Variants in EPHA4 observed in about 807,000 individuals in gnomAD.
The protein encoded by EPHA4 is EPH receptor A4, also known as ephrin type-A receptor 4.
In EPHA4, 19 loss-of-function variants were observed where a neutral mutation model predicts 108.3. That is an observed-to-expected ratio of 0.18 (90% confidence interval 0.12 to 0.26). EPHA4 has a LOEUF of 0.26. Among genes scored for constraint, EPHA4 ranks in the 10% least tolerant of loss-of-function variants. EPHA4 has a pLI of 1.00. For missense variants in EPHA4, 917 were observed against 1,254.0 expected (o/e 0.73, Z 4.06); for synonymous variants, 449 against 455.5 (o/e 0.99, Z 0.18).
At chr2:221,562,564 C>T (rs1193118754) in intron 3 of EPHA4, among the ~76,000 whole-genome samples, 1 of 152,170 alleles carries the variant, frequency 6.6e-6, no homozygotes, top group East Asian at 1.9e-4. Flanking sequence ...AACCATGTGG[C>T]AATGCCATCT....
chr2:221,436,527 T>C lies in EPHA4; in HGVS notation c.2218A>G (p.Met740Val), dbSNP rs775243880. 6.2e-7 allele frequency: 1 copy of C among 1,614,180 alleles called. No homozygotes were observed. The highest frequency in any genetic ancestry group is 1.7e-5 in the Admixed American group (1 of 60,016). ...GCCAGATCACGATGCACATAGCTCA[T>C]ATCAGATAAATACTTCATCCCAGAC... ...IGSGMKYLSD[M>V]SYVHRDLAAR... Residue 740 changes from methionine (M) to valine (V), a missense_variant, in exon 13 of 18, where the codon ATG (methionine) becomes GTG (valine). Physicochemically the swap from Met to Val is conservative, Grantham distance 21 (BLOSUM62 1). Around this residue, in one of 3 missense-constraint regions of EPHA4, gnomAD observed 758 missense variants for 1,076.7 expected, o/e 0.70. Coordinates refer to ENST00000281821, the MANE Select transcript of EPHA4 (RefSeq NM_004438.5).
intron 8 of EPHA4, among the ~76,000 whole-genome samples, chr2:221,448,900 C>G (rs139852693): frequency 6.6e-6 from 1 of 152,254 alleles, no homozygotes; most frequent in East Asian, 1.9e-4. Context: ...CCCGGGAAAG[C>G]GTTTATCTGT....
At chr2:221,518,213 C>T (rs1693046565) in intron 3 of EPHA4, among the ~76,000 whole-genome samples, 1 of 152,158 alleles carries the variant, frequency 6.6e-6, no homozygotes, top group Non-Finnish European at 1.5e-5. Flanking sequence ...CACTCCATGG[C>T]TTCTGTGGTT....
Position 221,425,846 on chromosome 2 carries a change from A to G in EPHA4, c.*182T>C. The G allele has an allele frequency of 1.0e-5, 6 of 600,320 alleles. No individual in the cohort carries two copies. The Admixed American group carries it at 1.5e-4, about 15-fold the overall frequency. 37.2% of individuals were successfully genotyped at this position (600,320 alleles called of 1,614,324 possible). A position where few individuals can be genotyped will look rare whatever the true frequency, so the allele number is the denominator to read the frequency against. ...GGTCTCATTCAAATGACCGGCAGTC[A>G]TTTCTGTAAGCCCCACAGTTTCAGC... On this transcript the variant is annotated 3_prime_UTR_variant, in exon 17 of 18. Transcript: ENST00000281821.
intron 3 of EPHA4, among the ~76,000 whole-genome samples, chr2:221,533,606 G>C (rs1184619823): frequency 3.3e-5 from 5 of 151,758 alleles, no homozygotes; most frequent in Admixed American, 2.6e-4. Flanking sequence ...CGCTGAACGA[G>C]TTCCAGTCTA....
At chr2:221,543,891 T>C (rs942545016) in intron 3 of EPHA4, among the ~76,000 whole-genome samples, 1 of 152,266 alleles carries the variant, frequency 6.6e-6, no homozygotes, top group East Asian at 1.9e-4. Flanking sequence ...TATCATAAAC[T>C]GGGTAACTTA....
At chr2:221,502,652 C>T (rs1692518083) in intron 3 of EPHA4, 1 of 467,008 alleles carries the variant, frequency 2.1e-6, no homozygotes, top group African/African-American at 2.0e-5. Context: ...TCTGTTCCAC[C>T]CACTCGCATA....
At chr2:221,541,599 A>G (rs551687189) in intron 3 of EPHA4, among the ~76,000 whole-genome samples, 1 of 152,330 alleles carries the variant, frequency 6.6e-6, no homozygotes, top group South Asian at 2.1e-4. Context: ...CTCCACAGGC[A>G]TACAGATGAC....
At chr2:221,446,800 G>T (rs759524443) in intron 8 of EPHA4, among the ~76,000 whole-genome samples, 1 of 152,094 alleles carries the variant, frequency 6.6e-6, no homozygotes, top group Non-Finnish European at 1.5e-5. Flanking sequence ...GTAAGTATTT[G>T]CTTTGTACTG....
chr2:221,442,068 G>A (rs187713532), intron 11 of EPHA4, among the ~76,000 whole-genome samples: 4 of 152,246 alleles, frequency 2.6e-5, no homozygotes, highest in Non-Finnish European at 4.4e-5. Flanking sequence ...GCTTTCCAGG[G>A]GACACAGCCC....
In EPHA4 at chr2:221,436,891, C is replaced by T. The variant is rs1214519567; in HGVS notation, c.2136+170G>A. Among the ~76,000 whole-genome samples, 6 of 152,176 alleles carry T rather than the reference C, an allele frequency of 3.9e-5. No individual in the cohort carries two copies. The East Asian group carries it at 9.6e-4, about 24-fold the overall frequency. ...TAAATCAAAAACTACCCTCGTTGAA[C>T]ATGGATTATTTAATAGCCTTAAAAA... On this transcript the variant is annotated intron_variant, in intron 12 of 17. Coordinates refer to ENST00000281821, the MANE Select transcript of EPHA4 (RefSeq NM_004438.5).
chr2:221,535,971 C>G (rs1693658230), intron 3 of EPHA4, among the ~76,000 whole-genome samples: 1 of 152,232 alleles, frequency 6.6e-6, no homozygotes. Context: ...CCAGTCTCTT[C>G]AACCCCAGGG....
At chr2:221,498,900 C>T (rs1263062815) in intron 4 of EPHA4, among the ~76,000 whole-genome samples, 3 of 150,436 alleles carry the variant, frequency 2.0e-5, no homozygotes, top group Non-Finnish European at 4.4e-5. Context: ...AAGCAATTCT[C>T]TTGCTTCAGC....
At chr2:221,439,330 CAAA>C (rs56154778) in intron 11 of EPHA4, among the ~76,000 whole-genome samples, 3 of 129,420 alleles carry the variant, frequency 2.3e-5, no homozygotes, top group Admixed American at 7.8e-5. Flanking sequence ...GTTTTCTACT[CAAA>C]AAAAAAAAAA....
At chr2:221,531,359 C>T (rs979697842) in intron 3 of EPHA4, among the ~76,000 whole-genome samples, 5 of 151,976 alleles carry the variant, frequency 3.3e-5, no homozygotes, top group Non-Finnish European at 5.9e-5. Flanking sequence ...GCAAAAGCCA[C>T]GCGTACTTTT....
chr2:221,569,735 C>G (rs1014860690), intron 1 of EPHA4, among the ~76,000 whole-genome samples: 1 of 152,050 alleles, frequency 6.6e-6, no homozygotes, highest in Non-Finnish European at 1.5e-5. Context: ...GCCAGGCTGG[C>G]TCTTCAGGCT....
intron 3 of EPHA4, among the ~76,000 whole-genome samples, chr2:221,518,260 C>T (rs890518806): frequency 5.9e-5 from 9 of 152,130 alleles, no homozygotes; most frequent in African/African-American, 2.2e-4. Context: ...CAAAATGGTC[C>T]TCACCTCCAG....
intron 5 of EPHA4, among the ~76,000 whole-genome samples, chr2:221,471,441 A>G (rs1426897435): frequency 6.6e-6 from 1 of 152,186 alleles, no homozygotes; most frequent in Non-Finnish European, 1.5e-5. Context: ...CCACAGCATG[A>G]TATCTAAGAA....
At chr2:221,445,697 A>T (rs1405347055) in intron 9 of EPHA4, among the ~76,000 whole-genome samples, 1 of 152,084 alleles carries the variant, frequency 6.6e-6, no homozygotes, top group African/African-American at 2.4e-5. Flanking sequence ...TCCACTAAAA[A>T]TTTATTGACA....
Sources: gnomAD v4.1 joint callset for allele counts (sites outside exome capture counted in the v4.1 genomes callset) on GRCh38, gnomAD v4.1.1 for gene constraint, gnomAD v4.1.1 regional missense constraint, MANE v1.5 for transcripts, NCBI Gene and HGNC (gene_info 2026-07-23, HGNC 2026-07-21) for gene names.